CADPS: variants seen among roughly 807,000 people sequenced by gnomAD.
The protein encoded by CADPS is calcium-dependent secretion activator 1.
A neutral mutation model predicts 167.3 loss-of-function variants in CADPS; 57 were observed. The ratio of observed to expected loss-of-function variants is 0.34; its 90% CI spans 0.28 to 0.42. The LOEUF is 0.42. Ranked by LOEUF, CADPS falls within the 20% of genes least tolerant of loss-of-function variation. The pLI, the probability that CADPS is intolerant of heterozygous loss-of-function variation, is 1.00. For synonymous variants in CADPS, 676 were observed against 635.3 expected, an observed-to-expected ratio of 1.06 and a Z score of -0.96; for missense variants, 1,414 against 1,738.1, an observed-to-expected ratio of 0.81 and a Z score of 3.32.
chr3:62,616,808 T>A (rs2062388636), intron 6 of CADPS, among the ~76,000 whole-genome samples: 1 of 152,196 alleles, frequency 6.6e-6, no homozygotes, highest in Non-Finnish European at 1.5e-5. Flanking sequence ...TTTCGTCTAA[T>A]GCTACAGATA....
chr3:62,525,622 T>G (rs1256022435), intron 13 of CADPS, among the ~76,000 whole-genome samples: 3 of 151,972 alleles, frequency 2.0e-5, no homozygotes, highest in African/African-American at 7.3e-5. Flanking sequence ...ACTACACAGT[T>G]TTTGCCCTTT....
At chr3:62,695,525 CCTCT>C (rs1298870380) in intron 3 of CADPS, among the ~76,000 whole-genome samples, 2 of 152,032 alleles carry the variant, frequency 1.3e-5, no homozygotes, top group Non-Finnish European at 2.9e-5. Context: ...ACCTGACTAT[CCTCT>C]CTAAGGGTTG....
rs538582261 is a variant in CADPS at position 62,700,889 on chromosome 3, C to T, written c.889-38495G>A. Among the ~76,000 whole-genome samples the T allele has an allele frequency of 4.6e-5, 7 of 152,096 alleles. No homozygotes were observed. The South Asian group carries it at 1.4e-3, about 32-fold the overall frequency. On this transcript the variant is annotated intron_variant, in intron 3 of 29. Coordinates refer to ENST00000383710, the MANE Select transcript of CADPS (RefSeq NM_003716.4). ...TTATAAACAACAGAAATTTATTTCT[C>T]ACAGTTGTGGAGGCTGGAAGTCTCA...
At chr3:62,485,691 A>G (rs889201006) in intron 21 of CADPS, among the ~76,000 whole-genome samples, 3 of 152,184 alleles carry the variant, frequency 2.0e-5, no homozygotes, top group African/African-American at 4.8e-5. Context: ...GGGTTCTTTA[A>G]CAAATATGGC....
chr3:62,613,943 C>G (rs1398357234), intron 6 of CADPS, among the ~76,000 whole-genome samples: 1 of 152,090 alleles, frequency 6.6e-6, no homozygotes. Context: ...TTCCCTACTC[C>G]CCTCTGTGCT....
chr3:62,516,710 T>C (rs2069073508), intron 14 of CADPS, 67 bp from the exon 15 acceptor site: 59 of 1,131,218 alleles, frequency 5.2e-5, no homozygotes, highest in South Asian at 5.1e-4. Context: ...TGCTGCAATT[T>C]GATTCCTATA....
At chr3:62,425,799 G>T (rs1001256795) in intron 28 of CADPS, among the ~76,000 whole-genome samples, 1 of 152,114 alleles carries the variant, frequency 6.6e-6, no homozygotes, top group Non-Finnish European at 1.5e-5. Flanking sequence ...TACAGTGTTG[G>T]TAAGTCAGGG....
rs764177763 is a variant in CADPS at position 62,465,355 on chromosome 3, C to G, written c.3636+12G>C. The G allele has an allele frequency of 2.5e-6, 4 of 1,574,666 alleles. No homozygotes were observed. Among genetic ancestry groups the G allele is most frequent in the Admixed American group, 1.9e-5 (1 of 54,018 alleles). The stretch of plus-strand genomic sequence containing the variant: ...AAACAAAAGCCAGGAAATAAAGAAG[C>G]TCTTTACTTACGGTAAATGACAGAA... On this transcript the variant is annotated intron_variant, in intron 26 of 29. Transcript: ENST00000383710. This position sits in a 1 kb window ranked among gnomAD's most constrained non-coding sequence, Gnocchi z 4.1.
At chr3:62,493,038 G>C (rs752625626) in intron 19 of CADPS, among the ~76,000 whole-genome samples, 4 of 152,172 alleles carry the variant, frequency 2.6e-5, no homozygotes, top group Non-Finnish European at 5.9e-5. Flanking sequence ...AAGCAAGGAG[G>C]CTTTGGTTTT....
At chr3:62,471,769 G>A (rs1339441623) in intron 24 of CADPS, among the ~76,000 whole-genome samples, 1 of 152,052 alleles carries the variant, frequency 6.6e-6, no homozygotes, top group African/African-American at 2.4e-5. Context: ...GGGGAAATAG[G>A]TCAACTGCAC....
intron 6 of CADPS, chr3:62,626,513 A>C (rs2064118597): frequency 1.4e-6 from 1 of 702,680 alleles, no homozygotes; most frequent in African/African-American, 1.7e-5. Flanking sequence ...GACATGGCAC[A>C]AAGACGGGAC....
In CADPS at chr3:62,604,444, C is replaced by T. The variant is rs569788142; in HGVS notation, c.1326-11696G>A. ...CATGCAGGACTGGGGACTGGAAGTC[C>T]GGCTGAGCCTGTATTATTTTGAAAT... On this transcript the variant is annotated intron_variant, in intron 6 of 29. Transcript: ENST00000383710. Among the ~76,000 whole-genome samples the T allele has an allele frequency of 1.4e-4, 21 of 152,258 alleles. No homozygotes were observed. In the East Asian group the frequency reaches 3.1e-3, roughly 22 times the overall value.
chr3:62,779,393 G>T (rs2091099181), intron 1 of CADPS: 1 of 463,442 alleles, frequency 2.2e-6, no homozygotes, highest in South Asian at 1.9e-5. Flanking sequence ...ACTTTCAGGA[G>T]AGCTGCCTTT....
chr3:62,716,175 T>C (rs2084558744), intron 3 of CADPS, among the ~76,000 whole-genome samples: 1 of 152,202 alleles, frequency 6.6e-6, no homozygotes, highest in Non-Finnish European at 1.5e-5. Flanking sequence ...TTCTCGTGCA[T>C]CAGCCTCCCA....
At chr3:62,648,881 T>TA (rs958954974) in intron 5 of CADPS, among the ~76,000 whole-genome samples, 1 of 151,988 alleles carries the variant, frequency 6.6e-6, no homozygotes, top group Non-Finnish European at 1.5e-5. Context: ...TATTGTTTTT[T>TA]AAAAAAGAAA....
chr3:62,498,938 A>G lies in CADPS; in HGVS notation c.2706+224T>C, dbSNP rs578059581. Reference sequence around the variant, plus strand: ...TCACCTCATTTGTTCATCGCTAGAAACATCTGAAAACTTAGGCCGAAACAT... The same window carrying G: ...TCACCTCATTTGTTCATCGCTAGAAGCATCTGAAAACTTAGGCCGAAACAT... On this transcript the variant is annotated intron_variant, in intron 18 of 29. Transcript: ENST00000383710. Among the ~76,000 whole-genome samples, 18 of 152,362 alleles carry G rather than the reference A, an allele frequency of 1.2e-4. No individual in the cohort carries two copies. In the South Asian group the frequency reaches 1.7e-3, roughly 14 times the overall value.
chr3:62,726,453 G>A (rs1399009288), intron 3 of CADPS, among the ~76,000 whole-genome samples: 1 of 151,886 alleles, frequency 6.6e-6, no homozygotes, highest in African/African-American at 2.4e-5. Flanking sequence ...ACAACCCTGA[G>A]TTCCTCAGTA....
chr3:62,473,087 CT>C (rs1224830996), intron 24 of CADPS, among the ~76,000 whole-genome samples: 1 of 152,180 alleles, frequency 6.6e-6, no homozygotes, highest in Non-Finnish European at 1.5e-5. Context: ...ATGAGAACCA[CT>C]GCCCCAGATC....
intron 1 of CADPS, among the ~76,000 whole-genome samples, chr3:62,820,405 C>A: frequency 6.6e-6 from 1 of 152,094 alleles, no homozygotes; most frequent in East Asian, 1.9e-4. Flanking sequence ...TGGTACATGA[C>A]TCTCCCTCTC....
Sources: allele counts gnomAD v4.1 joint callset (sites outside exome capture counted in the v4.1 genomes callset), GRCh38; gene constraint gnomAD v4.1.1; non-coding constraint Gnocchi (gnomAD v3.1); transcripts MANE v1.5; gene names NCBI Gene and HGNC (gene_info 2026-07-23, HGNC 2026-07-21).